AGXT2: variants seen among roughly 807,000 people sequenced by gnomAD.
The protein encoded by AGXT2 is alanine--glyoxylate aminotransferase 2, mitochondrial.
A neutral mutation model predicts 62.5 loss-of-function variants in AGXT2; 61 were observed. That is an observed-to-expected ratio of 0.98 (90% CI 0.79 to 1.21). AGXT2 has a LOEUF of 1.21. AGXT2 is among the 50% of genes most tolerant of loss of function. The pLI is 0.00. For missense variants in AGXT2, 666 were observed against 641.5 expected (o/e 1.04, Z -0.41); for synonymous variants, 243 against 218.7 (o/e 1.11, Z -0.98).
At chr5:35,033,654 C>A in intron 5 of AGXT2, 101 bp from the exon 6 acceptor site, 1 of 843,762 alleles carries the variant, frequency 1.2e-6, no homozygotes, top group Admixed American at 1.9e-5. Flanking sequence ...AATAGAACAT[C>A]ATTCGCATTC....
chr5:35,001,566 T>G (rs919118472), intron 13 of AGXT2, among the ~76,000 whole-genome samples: 3 of 152,208 alleles, frequency 2.0e-5, no homozygotes, highest in Non-Finnish European at 4.4e-5. Flanking sequence ...TAGTACTTAT[T>G]TTATAGGCTT....
chr5:35,012,997 C>T lies in AGXT2; in HGVS notation c.1145G>A (p.Gly382Glu), dbSNP rs1469732197. The part of the protein sequence containing the change: ...AKCLQHFNTF[G>E]GNPMACAIGS... ...AATGGCACAGGCCATGGGGTTCCCT[C>T]CAAAGGTGTTGAAGTGCTGCAGGCA... The change falls in exon 11 of 14, where the codon GGA (glycine) becomes GAA (glutamate). Residue 382 changes from glycine (G) to glutamate (E), a missense_variant. Coordinates refer to ENST00000231420, the MANE Select transcript of AGXT2 (RefSeq NM_031900.4). 1.3e-6 allele frequency: 2 copies of T among 1,551,692 alleles called. No homozygotes were observed. The highest frequency in any genetic ancestry group is 1.7e-6 in the Non-Finnish European group (2 of 1,146,998).
intron 9 of AGXT2, among the ~76,000 whole-genome samples, chr5:35,017,185 T>G (rs1766874455): frequency 6.6e-6 from 1 of 152,194 alleles, no homozygotes. Context: ...TACACCACGC[T>G]CTGTCATTTT....
At chr5:35,021,037 A>G (rs1489084598) in intron 9 of AGXT2, among the ~76,000 whole-genome samples, 2 of 152,376 alleles carry the variant, frequency 1.3e-5, no homozygotes, top group Admixed American at 1.3e-4. Flanking sequence ...GACCTCTTCA[A>G]GGAGAACTAC....
At chr5:35,009,866 C>G (rs771122281) in intron 12 of AGXT2, 134 bp downstream of exon 12, 95 of 1,233,494 alleles carry the variant, frequency 7.7e-5, no homozygotes, top group Middle Eastern at 1.9e-4. Flanking sequence ...CTACTAATCT[C>G]TAAAGGGCTT....
rs1212032300 is a variant in AGXT2, at chr5:35,035,289, C to A, written c.514G>T (p.Glu172Ter). The A allele has an allele frequency of 2.5e-6, 4 of 1,613,962 alleles. No homozygotes were observed. In the South Asian group the frequency reaches 4.4e-5, roughly 18 times the overall value. ...ATCAGCATGGCCAGCTCATTGGCTT[C>A]TGAGCCACTGTTCACCAAGAAAATG... is the stretch of plus-strand genomic sequence containing the variant. Reference protein sequence around the residue: ...KVIFLVNSGSEANELAMLMAR... With the variant: ...KVIFLVNSGS Residue 172 changes from glutamate (E) to a stop codon, truncating the protein, a stop_gained, in exon 5 of 14, where the codon GAA (glutamate) becomes TAA (stop). Transcript: ENST00000231420. LOFTEE classifies it high-confidence loss of function.
At chr5:35,032,214 A>G (rs1767589276) in intron 7 of AGXT2, among the ~76,000 whole-genome samples, 1 of 151,566 alleles carries the variant, frequency 6.6e-6, no homozygotes, top group South Asian at 2.1e-4. Flanking sequence ...AACCTCCCAA[A>G]GTGCTGGGAT....
chr5:35,008,714 GAC>G lies in AGXT2; in HGVS notation c.1338+1284_1338+1285del, dbSNP rs967920944. 1.5e-4 allele frequency among the ~76,000 whole-genome samples: 23 copies of G among 152,300 alleles called. 1 individual carries two copies. Among genetic ancestry groups the G allele is most frequent in the African/African-American group, 4.6e-4 (19 of 41,568 alleles). On this transcript the variant is annotated intron_variant, in intron 12 of 13. Coordinates refer to ENST00000231420, the MANE Select transcript of AGXT2 (RefSeq NM_031900.4). ...AACATCCCAGCTTTGTACTGGCTGT[GAC>G]ATGTGGTATGAATTGAAGAGTCTTA... is the stretch of plus-strand genomic sequence containing the variant.
At position 35,004,987 on chromosome 5, in the gene AGXT2, A is replaced by G. The variant is rs146324258; in HGVS notation, c.1339-1126T>C. On this transcript the variant is annotated intron_variant, in intron 12 of 13. Coordinates refer to ENST00000231420, the MANE Select transcript of AGXT2 (RefSeq NM_031900.4). ...TTAACATAAGCAAAATACATATTCA[A>G]ACTTTCAGACTATTGGATCAGAAAG... is the stretch of plus-strand genomic sequence containing the variant. 2.4e-3 allele frequency among the ~76,000 whole-genome samples: 361 copies of G among 152,330 alleles called. 3 individuals carry two copies. Among genetic ancestry groups the G allele is most frequent in the African/African-American group, 8.4e-3 (348 of 41,578 alleles).
chr5:35,014,200 T>C, intron 9 of AGXT2, 81 bp from the exon 10 acceptor site: 1 of 1,585,674 alleles, frequency 6.3e-7, no homozygotes. Context: ...ACACCTGTAA[T>C]CCCAGCACTT....
At chr5:35,030,424 C>G (rs1035841706) in intron 7 of AGXT2, among the ~76,000 whole-genome samples, 3 of 152,156 alleles carry the variant, frequency 2.0e-5, no homozygotes, top group Non-Finnish European at 4.4e-5. Flanking sequence ...AGGAGAATCG[C>G]TTGAACCCGG....
intron 9 of AGXT2, among the ~76,000 whole-genome samples, chr5:35,015,992 G>A (rs73764086): frequency 0.018 from 2,757 of 152,098 alleles, 79 homozygotes; most frequent in African/African-American, 0.064. Context: ...ACAGACCTGG[G>A]CTGGAATCAG....
At chr5:35,009,540 G>A (rs1321994603) in intron 12 of AGXT2, among the ~76,000 whole-genome samples, 1 of 152,108 alleles carries the variant, frequency 6.6e-6, no homozygotes, top group African/African-American at 2.4e-5. Context: ...AGGTTGCAGT[G>A]AGCCAAGATC....
At chr5:35,011,375 G>A (rs537860815) in intron 11 of AGXT2, among the ~76,000 whole-genome samples, 4 of 150,926 alleles carry the variant, frequency 2.7e-5, no homozygotes, top group African/African-American at 7.3e-5. Context: ...CATGAGAATC[G>A]CTTGAACCTG....
intron 3 of AGXT2, among the ~76,000 whole-genome samples, chr5:35,038,005 G>GA (rs1316421522): frequency 3.3e-5 from 5 of 152,034 alleles, no homozygotes; most frequent in Admixed American, 1.3e-4. Flanking sequence ...TTTCACATCA[G>GA]AAAAAAATCA....
At chr5:35,043,438 T>C (rs958064619) in intron 1 of AGXT2, among the ~76,000 whole-genome samples, 1 of 152,238 alleles carries the variant, frequency 6.6e-6, no homozygotes, top group Non-Finnish European at 1.5e-5. Context: ...GTGAAAATAA[T>C]GACATGCTAT....
At chr5:34,999,876 T>A (rs569322490) in intron 13 of AGXT2, among the ~76,000 whole-genome samples, 1 of 152,268 alleles carries the variant, frequency 6.6e-6, no homozygotes, top group East Asian at 1.9e-4. Context: ...GACCCTGGAT[T>A]CTCCCATCTC....
At chr5:35,033,325 A>T in intron 6 of AGXT2, 135 bp downstream of exon 6, 1 of 739,728 alleles carries the variant, frequency 1.4e-6, no homozygotes, top group Non-Finnish European at 2.4e-6. Flanking sequence ...TCTCCAATTC[A>T]ATTAGGTCAA....
chr5:34,998,971 T>A, intron 13 of AGXT2, 145 bp from the exon 14 acceptor site: 1 of 708,148 alleles, frequency 1.4e-6, no homozygotes, highest in African/African-American at 1.7e-5. Flanking sequence ...CCATCCCCAA[T>A]GCTGAATCCA....
Sources: gnomAD v4.1 joint callset for allele counts (sites outside exome capture counted in the v4.1 genomes callset) on GRCh38, gnomAD v4.1.1 for gene constraint, MANE v1.5 for transcripts, NCBI Gene and HGNC (gene_info 2026-07-23, HGNC 2026-07-21) for gene names.